Variants in SLC22A2 observed in about 807,000 individuals in gnomAD.
The protein encoded by SLC22A2 is solute carrier family 22 member 2, also known as organic cation transporter 2.
In SLC22A2, 46 loss-of-function variants were observed where a neutral mutation model predicts 60.5. The observed-to-expected ratio is 0.76, with a 90% CI of 0.60 to 0.97. The LOEUF is 0.97. Among genes scored for constraint, SLC22A2 ranks in the 50% least tolerant of loss-of-function variants. The pLI is 0.00. For missense variants in SLC22A2, 701 were observed against 706.6 expected (o/e 0.99, Z 0.09); for synonymous variants, 303 against 267.0 (o/e 1.13, Z -1.31).
At chr6:160,234,737 T>C (rs1199132298) in intron 9 of SLC22A2, among the ~76,000 whole-genome samples, 1 of 152,230 alleles carries the variant, frequency 6.6e-6, no homozygotes. Flanking sequence ...GTTAAAAGAC[T>C]TTGCAAGCTC....
Position 160,241,585 on chromosome 6 carries a change from T to C in SLC22A2, c.1390A>G (p.Asn464Asp), listed in dbSNP as rs530352058. Residue 464 changes from asparagine (N) to aspartate (D), a missense_variant and splice_region_variant, in exon 9 of 11, where the codon AAT becomes GAT. Asn to Asp is a conservative substitution (Grantham distance 23). Coordinates refer to ENST00000366953, the MANE Select transcript of SLC22A2 (RefSeq NM_003058.4). The stretch of plus-strand genomic sequence containing the variant: ...GAGGAACAGATGTGGACGCCAAGAT[T>C]CCTAGAATGCAGGAAACTGATTTAA... Reference protein sequence around the residue: ...NAELYPTFIRNLGVHICSSMC... With the variant: ...NAELYPTFIRDLGVHICSSMC... 25 of 1,604,502 alleles carry C rather than the reference T, an allele frequency of 1.6e-5. No individual in the cohort carries two copies. In the South Asian group the frequency reaches 2.6e-4, roughly 17 times the overall value.
At position 160,249,343 on chromosome 6, in the gene SLC22A2, T is replaced by A. The variant is rs1562437787; in HGVS notation, c.715A>T (p.Ile239Phe). 6.2e-7 allele frequency: 1 copy of A among 1,613,544 alleles called. No homozygotes were observed. Among genetic ancestry groups the A allele is most frequent in the East Asian group, 2.2e-5 (1 of 44,828 alleles). Residue 239 changes from isoleucine (I) to phenylalanine (F), a missense_variant, in exon 4 of 11, where the codon ATT becomes TTT. Coordinates refer to ENST00000366953, the MANE Select transcript of SLC22A2 (RefSeq NM_003058.4). ...ACTGTATAGGCAACTTGGTAAAAAA[T>A]CCCCACTGTTCTCCGATATCTCCGC... ...VGRRYRRTVG[I>F]FYQVAYTVGL...
Position 160,258,393 on chromosome 6 carries a change from C to T in SLC22A2, c.365G>A (p.Cys122Tyr), listed in dbSNP as rs1359934235. The change falls in exon 1 of 11, where the codon TGC (cysteine) becomes TAC (tyrosine). Residue 122 changes from cysteine (C) to tyrosine (Y), a missense_variant. By Grantham distance (194) the Cys-to-Tyr change is radical. Transcript: ENST00000366953. ...CGTCTCGTACACCCAGCCGTCCCGG[C>T]AGGGGCCCAGTGGCAGGCGGCTCCT... ...TNRSRLPLGP[C>Y]RDGWVYETPG... 3 of 1,613,766 alleles carry T rather than the reference C, an allele frequency of 1.9e-6. No individual in the cohort carries two copies. Among genetic ancestry groups the T allele is most frequent in the Non-Finnish European group, 1.7e-6 (2 of 1,179,936 alleles).
intron 9 of SLC22A2, among the ~76,000 whole-genome samples, chr6:160,238,466 C>T (rs1003894224): frequency 5.9e-5 from 9 of 152,250 alleles, no homozygotes; most frequent in Admixed American, 3.9e-4. Flanking sequence ...AATTACCATT[C>T]GTTTGGCATT....
chr6:160,227,615 G>A (rs1782744209), intron 9 of SLC22A2, among the ~76,000 whole-genome samples: 1 of 152,196 alleles, frequency 6.6e-6, no homozygotes, highest in Non-Finnish European at 1.5e-5. Context: ...ATTTGGCTCA[G>A]AATAAACTCT....
At chr6:160,251,573 G>A (rs1028200801) in intron 2 of SLC22A2, among the ~76,000 whole-genome samples, 2 of 151,932 alleles carry the variant, frequency 1.3e-5, no homozygotes, top group Non-Finnish European at 2.9e-5. Context: ...GTTGACCTGG[G>A]GCCCAATACT....
intron 9 of SLC22A2, among the ~76,000 whole-genome samples, chr6:160,229,978 A>G (rs1395731876): frequency 6.6e-6 from 1 of 151,760 alleles, no homozygotes; most frequent in Non-Finnish European, 1.5e-5. Context: ...TCTTTTACAC[A>G]TTGGTCCCTC....
At position 160,217,402 on chromosome 6, in the gene SLC22A2, A is replaced by C; in HGVS notation, c.*30T>G. 2 of 1,430,144 alleles carry C rather than the reference A, an allele frequency of 1.4e-6. No individual in the cohort carries two copies. The highest frequency in any genetic ancestry group is 2.0e-6 in the Non-Finnish European group (2 of 1,018,020). 88.6% of individuals were successfully genotyped at this position (1,430,144 alleles called of 1,614,324 possible). A position where few individuals can be genotyped will look rare whatever the true frequency, so the allele number is the denominator to read the frequency against. ...TTTTGGTCTTGCTGCCATCAAAGCT[A>C]GGTCATGACAGCAGCAACGGTCTCT... On this transcript the variant is annotated 3_prime_UTR_variant, in exon 11 of 11. Coordinates refer to ENST00000366953, the MANE Select transcript of SLC22A2 (RefSeq NM_003058.4).
intron 9 of SLC22A2, among the ~76,000 whole-genome samples, chr6:160,227,220 C>T (rs1269128692): frequency 6.6e-6 from 1 of 152,122 alleles, no homozygotes; most frequent in East Asian, 1.9e-4. Flanking sequence ...GTATAGGAAA[C>T]ATTTGCCATT....
chr6:160,249,287 G>A lies in SLC22A2; in HGVS notation c.771C>T (p.Tyr257=), dbSNP rs147817271. ...GCAACCACCTCCAGTGAGGAAGTGC[G>A]TAAGCCACCCCAGCTAGCACCAGGA... ...VGLLVLAGVA[Y]ALPHWRWLQF... Residue 257 remains tyrosine (Y), a synonymous_variant, in exon 4 of 11, where the codon TAC becomes TAT. Coordinates refer to ENST00000366953, the MANE Select transcript of SLC22A2 (RefSeq NM_003058.4). The A allele has an allele frequency of 1.7e-4, 274 of 1,613,144 alleles. 1 individual carries two copies. The Middle Eastern group carries it at 2.5e-3, about 15-fold the overall frequency.
At chr6:160,229,618 C>T (rs1487398891) in intron 9 of SLC22A2, among the ~76,000 whole-genome samples, 11 of 151,686 alleles carry the variant, frequency 7.3e-5, no homozygotes, top group Non-Finnish European at 7.4e-5. Flanking sequence ...GCACCTCCCA[C>T]CCCTTTTACA....
At chr6:160,224,302 T>C (rs1296016469) in intron 10 of SLC22A2, among the ~76,000 whole-genome samples, 2 of 151,898 alleles carry the variant, frequency 1.3e-5, no homozygotes, top group African/African-American at 4.8e-5. Context: ...TTTTTTTTTT[T>C]CTATTAGGTG....
At position 160,243,778 on chromosome 6, in the gene SLC22A2, C is replaced by A. The variant is rs781620019; in HGVS notation, c.1073G>T (p.Ser358Ile). Residue 358 changes from serine (S) to isoleucine (I), a missense_variant, in exon 7 of 11, where the codon AGC becomes ATC. By Grantham distance (142) the Ser-to-Ile change is moderately radical. Coordinates refer to ENST00000366953, the MANE Select transcript of SLC22A2 (RefSeq NM_003058.4). The stretch of plus-strand genomic sequence containing the variant: ...GATGAGGCCCTGGTAGAGCACAGAG[C>A]TCGTGAACCTGAGCAAAGAGGAGAG... Reference protein sequence around the residue: ...TMILMYNWFTSSVLYQGLIMH... With the variant: ...TMILMYNWFTISVLYQGLIMH... 1 of 1,612,680 alleles carries A rather than the reference C, an allele frequency of 6.2e-7. No homozygotes were observed. Among genetic ancestry groups the A allele is most frequent in the Non-Finnish European group, 8.5e-7 (1 of 1,179,314 alleles).
chr6:160,232,451 T>C lies in SLC22A2; in HGVS notation c.1502-7647A>G, dbSNP rs778653110. ...TTGCCTGAACTTGGGCCCTCACTCT[T>C]GCAAAGGGACTACAAATCAATATTA... is the stretch of plus-strand genomic sequence containing the variant. On this transcript the variant is annotated intron_variant, in intron 9 of 10. Transcript: ENST00000366953. Among the ~76,000 whole-genome samples the C allele has an allele frequency of 1.3e-4, 19 of 151,852 alleles. 1 individual carries two copies. The highest frequency in any genetic ancestry group is 2.2e-4 in the Non-Finnish European group (15 of 68,028).
At chr6:160,249,044 G>A (rs1783140555) in intron 4 of SLC22A2, among the ~76,000 whole-genome samples, 172 bp downstream of exon 4, 1 of 152,218 alleles carries the variant, frequency 6.6e-6, no homozygotes, top group Admixed American at 6.5e-5. Flanking sequence ...CAGACGGAGA[G>A]GTGAAGCTTG....
intron 9 of SLC22A2, among the ~76,000 whole-genome samples, chr6:160,240,313 G>A (rs1184461817): frequency 2.0e-5 from 3 of 152,134 alleles, no homozygotes; most frequent in Non-Finnish European, 4.4e-5. Context: ...AAGAGAAAAT[G>A]GGAGTAAAGA....
chr6:160,253,173 G>A (rs1398713190), intron 2 of SLC22A2, among the ~76,000 whole-genome samples: 2 of 152,198 alleles, frequency 1.3e-5, no homozygotes, highest in African/African-American at 4.8e-5. Context: ...TGTTCCTTGT[G>A]GAGCAGGGAT....
intron 9 of SLC22A2, among the ~76,000 whole-genome samples, chr6:160,227,712 T>C (rs1782746187): frequency 1.3e-5 from 2 of 152,108 alleles, no homozygotes; most frequent in African/African-American, 4.8e-5. Context: ...AGGGACTGGG[T>C]AAAATAAGGC....
intron 4 of SLC22A2, 69 bp downstream of exon 4, chr6:160,249,147 A>G: frequency 2.7e-6 from 3 of 1,102,128 alleles, no homozygotes; most frequent in Non-Finnish European, 3.9e-6. Flanking sequence ...AGTGTGCATT[A>G]AGGAAGGCAG....
Sources: allele counts gnomAD v4.1 joint callset (sites outside exome capture counted in the v4.1 genomes callset), GRCh38; gene constraint gnomAD v4.1.1; transcripts MANE v1.5; gene names NCBI Gene and HGNC (gene_info 2026-07-23, HGNC 2026-07-21).